The following FLT3 variants were observed in gnomAD, a reference collection of about 807,000 sequenced individuals.
FLT3 encodes fms related receptor tyrosine kinase 3.
In FLT3, 46 loss-of-function variants were observed where a neutral mutation model predicts 126.6. The observed-to-expected ratio is 0.36, with a 90% CI of 0.29 to 0.46. The LOEUF is 0.46. Among genes scored for constraint, FLT3 ranks in the 20% least tolerant of loss-of-function variants. FLT3 has a pLI of 1.00. For synonymous variants in FLT3, 404 were observed against 434.4 expected, an observed-to-expected ratio of 0.93 and a Z score of 0.87; for missense variants, 1,069 against 1,190.3, an observed-to-expected ratio of 0.90 and a Z score of 1.50.
At chr13:28,008,107 G>A (rs1035888634) in intron 23 of FLT3, among the ~76,000 whole-genome samples, 1 of 151,904 alleles carries the variant, frequency 6.6e-6, no homozygotes, top group African/African-American at 2.4e-5. Flanking sequence ...CACTTTGGGA[G>A]GCTGAGGCAG....
At chr13:28,046,584 T>A (rs1313105812) in intron 9 of FLT3, among the ~76,000 whole-genome samples, 4 of 152,266 alleles carry the variant, frequency 2.6e-5, no homozygotes, top group East Asian at 3.9e-4. Context: ...AATGTAAAAA[T>A]TGTTTTAATT....
chr13:28,012,191 C>G (rs1871449125), intron 23 of FLT3, among the ~76,000 whole-genome samples: 1 of 152,186 alleles, frequency 6.6e-6, no homozygotes, highest in African/African-American at 2.4e-5. Context: ...GTGGAAGGAA[C>G]TGGGAGAAAA....
chr13:28,037,945 C>T (rs1183073373), intron 9 of FLT3, among the ~76,000 whole-genome samples: 4 of 152,124 alleles, frequency 2.6e-5, no homozygotes, highest in Non-Finnish European at 5.9e-5. Flanking sequence ...AGTTTCATCC[C>T]GAAACCATCC....
Position 28,061,892 on chromosome 13 carries a change from G to C in FLT3, c.343C>G (p.Gln115Glu). ...WVFKHSSLNC[Q>E]PHFDLQNRGV... is the part of the protein sequence containing the mutation. ...CTGTTTTGTAAATCAAAATGTGGCT[G>C]GCAATTCAGGGAGCTGTGCTTAAAG... Residue 115 changes from glutamine (Q) to glutamate (E), a missense_variant, in exon 3 of 24, where the codon CAG (glutamine) becomes GAG (glutamate). Physicochemically the swap from Gln to Glu is conservative, Grantham distance 29 (BLOSUM62 2). Transcript: ENST00000241453. The C allele has an allele frequency of 6.2e-7, 1 of 1,613,946 alleles. No individual in the cohort carries two copies. Among genetic ancestry groups the C allele is most frequent in the East Asian group, 2.2e-5 (1 of 44,884 alleles).
At chr13:28,078,503 G>T (rs1878107483) in intron 1 of FLT3, among the ~76,000 whole-genome samples, 1 of 152,146 alleles carries the variant, frequency 6.6e-6, no homozygotes, top group African/African-American at 2.4e-5. Flanking sequence ...GTCCTTGGCT[G>T]CATACAGCAT....
intron 23 of FLT3, chr13:28,009,223 C>A (rs184171191): frequency 6.6e-5 from 10 of 152,308 alleles, no homozygotes; most frequent in Admixed American, 4.6e-4. Context: ...TTTCTATGGT[C>A]ATTTTCTTCC....
chr13:28,045,336 C>A (rs1424030961), intron 9 of FLT3, among the ~76,000 whole-genome samples: 3 of 152,322 alleles, frequency 2.0e-5, no homozygotes, highest in Non-Finnish European at 4.4e-5. Context: ...GCATCACACC[C>A]ATCAAGAGGA....
chr13:28,026,353 A>G (rs906025860), intron 17 of FLT3, among the ~76,000 whole-genome samples: 5 of 2,602 alleles, frequency 1.9e-3, no homozygotes, highest in African/African-American at 2.8e-3. Context: ...ACTCTGTCTG[A>G]AAAAAAAAAA....
chr13:28,077,372 C>G (rs573879037), intron 1 of FLT3, among the ~76,000 whole-genome samples: 7 of 152,120 alleles, frequency 4.6e-5, no homozygotes, highest in Non-Finnish European at 1.0e-4. Context: ...GCGAAAGGCA[C>G]TTCTCACATG....
In FLT3 at chr13:28,034,294, C is replaced by CT; in HGVS notation, c.1704+6dup. On this transcript the variant is annotated splice_region_variant and intron_variant, in intron 13 of 23. Transcript: ENST00000241453. Reference sequence around the variant, plus strand: ...AAAGAATAATGAATTTTTACCTTTGCTTTTACCTTTTTGTACTTGTGACAA... The same window carrying CT: ...AAAGAATAATGAATTTTTACCTTTGCTTTTTACCTTTTTGTACTTGTGACAA... 1 of 1,612,842 alleles carries CT rather than the reference C, an allele frequency of 6.2e-7. No individual in the cohort carries two copies. Among genetic ancestry groups the CT allele is most frequent in the East Asian group, 2.2e-5 (1 of 44,848 alleles).
chr13:28,045,306 C>T (rs984146974), intron 9 of FLT3, among the ~76,000 whole-genome samples: 2 of 152,188 alleles, frequency 1.3e-5, no homozygotes, highest in African/African-American at 4.8e-5. Flanking sequence ...TTACCTTATT[C>T]ACTCTTGCAG....
intron 1 of FLT3, among the ~76,000 whole-genome samples, chr13:28,073,810 C>T (rs9581976): frequency 0.18 from 26,791 of 151,466 alleles, 2,435 homozygotes; most frequent in Middle Eastern, 0.26. Flanking sequence ...TGTGGTGGCA[C>T]GAGCCTGAAG....
chr13:28,003,480 G>C lies in FLT3; in HGVS notation c.*572C>G, dbSNP rs1870617461. 4.3e-6 allele frequency: 1 copy of C among 235,192 alleles called. No homozygotes were observed. The highest frequency in any genetic ancestry group is 2.2e-5 in the African/African-American group (1 of 45,312). 14.6% of individuals were successfully genotyped at this position (235,192 alleles called of 1,614,324 possible). ...AACCATAGCTGCCTACACATTCCTT[G>C]TATCTTGGGGTAAAAGCACACGTGC... On this transcript the variant is annotated 3_prime_UTR_variant, in exon 24 of 24. Coordinates refer to ENST00000241453, the MANE Select transcript of FLT3 (RefSeq NM_004119.3).
chr13:28,014,818 C>T (rs923240583), intron 22 of FLT3, among the ~76,000 whole-genome samples: 17 of 152,096 alleles, frequency 1.1e-4, no homozygotes, highest in Non-Finnish European at 2.5e-4. Context: ...GAATTAAAAC[C>T]GGGAAGCAGG....
intron 9 of FLT3, among the ~76,000 whole-genome samples, chr13:28,040,015 C>T (rs1566076080): frequency 1.3e-5 from 2 of 152,132 alleles, no homozygotes; most frequent in Non-Finnish European, 1.5e-5. Context: ...GTTTTATATG[C>T]ACCTGCTGAT....
At chr13:28,011,054 G>A (rs1242873585) in intron 23 of FLT3, among the ~76,000 whole-genome samples, 1 of 151,746 alleles carries the variant, frequency 6.6e-6, no homozygotes, top group Non-Finnish European at 1.5e-5. Flanking sequence ...GCTCACGCCT[G>A]TAATCTCAGC....
At chr13:28,064,799 T>C (rs1280539983) in intron 2 of FLT3, among the ~76,000 whole-genome samples, 1 of 152,160 alleles carries the variant, frequency 6.6e-6, no homozygotes, top group Admixed American at 6.6e-5. Context: ...GGAGAAGAAT[T>C]TGGCAATACC....
At position 28,028,287 on chromosome 13, in the gene FLT3, T is replaced by C; in HGVS notation, c.1944A>G (p.Glu648=). The C allele has an allele frequency of 1.3e-6, 2 of 1,533,828 alleles. No homozygotes were observed. The highest frequency in any genetic ancestry group is 1.8e-6 in the Non-Finnish European group (2 of 1,107,174). ...SIQVAVKMLK[E]KADSSEREAL... ...CCTCTCTTTCAGAGCTGTCTGCTTT[T>C]TCTGTCAAAGAAAGGAGCATTAAAA... Residue 648 remains glutamate, a splice_region_variant and synonymous_variant, in exon 16 of 24, where the codon GAA becomes GAG. Transcript: ENST00000241453.
chr13:28,039,003 G>A (rs930169350), intron 9 of FLT3, among the ~76,000 whole-genome samples: 3 of 151,988 alleles, frequency 2.0e-5, no homozygotes, highest in African/African-American at 4.8e-5. Flanking sequence ...GGAAAGGTTC[G>A]GGGCCTTCAT....
Sources: allele counts gnomAD v4.1 joint callset (sites outside exome capture counted in the v4.1 genomes callset), GRCh38; gene constraint gnomAD v4.1.1; transcripts MANE v1.5; gene names NCBI Gene and HGNC (gene_info 2026-07-23, HGNC 2026-07-21).